PPM1L: variants seen among roughly 807,000 people sequenced by gnomAD.
PPM1L encodes protein phosphatase, Mg2+/Mn2+ dependent 1L, also known as protein phosphatase 1L.
A neutral mutation model predicts 31.4 loss-of-function variants in PPM1L; 13 were observed. That is an observed-to-expected ratio of 0.41 (90% CI 0.27 to 0.66). The LOEUF is 0.66. Among genes scored for constraint, PPM1L ranks in the 30% least tolerant of loss-of-function variants. The pLI is 0.29. For synonymous variants in PPM1L, 184 were observed against 175.4 expected (o/e 1.05, Z -0.39); for missense variants, 326 against 453.7 (o/e 0.72, Z 2.56).
chr3:160,865,762 G>A (rs1712066388), intron 1 of PPM1L, among the ~76,000 whole-genome samples: 1 of 152,230 alleles, frequency 6.6e-6, no homozygotes, highest in Non-Finnish European at 1.5e-5. Context: ...ACGACAGAGT[G>A]AGACTCCGTC....
Position 161,076,844 on chromosome 3 carries a change from A to C in PPM1L, c.*7687A>C, listed in dbSNP as rs1446310605. On this transcript the variant is annotated 3_prime_UTR_variant, in exon 4 of 4. Coordinates refer to ENST00000498165, the MANE Select transcript of PPM1L (RefSeq NM_139245.4). ...CACATACATAATTTGTATAAGGAAA[A>C]TGTATGAGTTTTTTTCTTAAAAATA... 6.6e-6 allele frequency: 1 copy of C among 151,698 alleles called. No homozygotes were observed. The highest frequency in any genetic ancestry group is 1.5e-5 in the Non-Finnish European group (1 of 68,042). 9.4% of individuals were successfully genotyped at this position (151,698 alleles called of 1,614,324 possible). A position where few individuals can be genotyped will look rare whatever the true frequency, so the allele number is the denominator to read the frequency against.
At chr3:161,058,528 C>G (rs1243874449) in intron 2 of PPM1L, among the ~76,000 whole-genome samples, 4 of 149,888 alleles carry the variant, frequency 2.7e-5, no homozygotes, top group African/African-American at 1.0e-4. Context: ...AGGGATAAGA[C>G]ACTTGGGGTT....
intron 1 of PPM1L, among the ~76,000 whole-genome samples, chr3:160,938,779 G>C (rs895247982): frequency 1.3e-5 from 2 of 152,244 alleles, no homozygotes; most frequent in African/African-American, 4.8e-5. Context: ...AGAACTGGCT[G>C]ATTGCTGTGT....
chr3:160,923,945 T>C (rs2108073957), intron 1 of PPM1L, among the ~76,000 whole-genome samples: 1 of 152,340 alleles, frequency 6.6e-6, no homozygotes, highest in African/African-American at 2.4e-5. Flanking sequence ...CTTCTGTCTA[T>C]TATCTGCTAT....
chr3:161,020,675 G>A (rs1718213897), intron 2 of PPM1L, among the ~76,000 whole-genome samples: 1 of 152,122 alleles, frequency 6.6e-6, no homozygotes, highest in South Asian at 2.1e-4. Context: ...ATCCATCTGG[G>A]TCAGGGTTTT....
At chr3:161,025,509 C>T (rs1201173765) in intron 2 of PPM1L, among the ~76,000 whole-genome samples, 5 of 151,012 alleles carry the variant, frequency 3.3e-5, no homozygotes, top group African/African-American at 1.2e-4. Context: ...GAGTTCGTGG[C>T]TTCATTGAGC....
At position 161,078,856 on chromosome 3, in the gene PPM1L, A is replaced by G. The variant is rs954282865; in HGVS notation, c.*9699A>G. ...AAAATGAACAGCTAAAAATTTACCC[A>G]TGACAAGATTAAAGCAAAAATAAAC... On this transcript the variant is annotated 3_prime_UTR_variant, in exon 4 of 4. Transcript: ENST00000498165. 2.0e-5 allele frequency: 3 copies of G among 152,238 alleles called. No individual in the cohort carries two copies. The highest frequency in any genetic ancestry group is 7.2e-5 in the African/African-American group (3 of 41,468). 9.4% of individuals were successfully genotyped at this position (152,238 alleles called of 1,614,324 possible).
chr3:160,985,308 G>A lies in PPM1L; in HGVS notation c.574+23398G>A, dbSNP rs17391720. Among the ~76,000 whole-genome samples, 629 of 152,268 alleles carry A rather than the reference G, an allele frequency of 4.1e-3. 2 individuals are homozygous for A. Among genetic ancestry groups the A allele is most frequent in the Non-Finnish European group, 5.9e-3 (402 of 68,032 alleles). ...TATTCTCCCCCAATGACTCCACTGC[G>A]TAACCAAGATTGAGAACTGTTACTT... On this transcript the variant is annotated intron_variant, in intron 2 of 3. Transcript: ENST00000498165.
At position 160,973,819 on chromosome 3, in the gene PPM1L, A is replaced by AT. The variant is rs570097098; in HGVS notation, c.574+11918dup. On this transcript the variant is annotated intron_variant, in intron 2 of 3. Transcript: ENST00000498165. The stretch of plus-strand genomic sequence containing the variant: ...AACCAAGACTTGTCTTTATTTTTTT[A>AT]TTTTTTTTTGAGAATGATTCTATCT... Among the ~76,000 whole-genome samples the AT allele has an allele frequency of 1.7e-3, 117 of 68,890 alleles. 1 individual carries two copies. The South Asian group carries it at 0.025, about 15-fold the overall frequency. The allele number at this position is 68,890 out of a possible 152,430, so 45.2% of individuals were successfully genotyped here.
intron 1 of PPM1L, among the ~76,000 whole-genome samples, chr3:160,867,315 G>A (rs1712126754): frequency 6.8e-6 from 1 of 147,044 alleles, no homozygotes; most frequent in Admixed American, 6.9e-5. Context: ...GGCCTGAAAT[G>A]AGTTCCATGT....
intron 2 of PPM1L, among the ~76,000 whole-genome samples, chr3:160,996,497 A>G (rs1189189168): frequency 6.6e-6 from 1 of 152,230 alleles, no homozygotes; most frequent in Admixed American, 6.5e-5. Flanking sequence ...AGCAACCTGG[A>G]TGGAATTGGA....
chr3:160,812,387 A>G (rs1282095517), intron 1 of PPM1L, among the ~76,000 whole-genome samples: 1 of 152,208 alleles, frequency 6.6e-6, no homozygotes, highest in Non-Finnish European at 1.5e-5. Flanking sequence ...CTTTCTTCAT[A>G]AAATGAAATT....
At chr3:160,902,711 T>C (rs980087194) in intron 1 of PPM1L, among the ~76,000 whole-genome samples, 1 of 152,184 alleles carries the variant, frequency 6.6e-6, no homozygotes, top group Non-Finnish European at 1.5e-5. Context: ...AAAAACAGTC[T>C]TATTAATTTT....
Position 161,050,165 on chromosome 3 carries a change from T to C in PPM1L, c.575-15238T>C, listed in dbSNP as rs548638854. On this transcript the variant is annotated intron_variant, in intron 2 of 3. Coordinates refer to ENST00000498165, the MANE Select transcript of PPM1L (RefSeq NM_139245.4). The stretch of plus-strand genomic sequence containing the variant: ...TGTTTTTTCTTTCTCTGGAACTACA[T>C]TGGCCAAAACAGAAAACAGGGAGTC... Among the ~76,000 whole-genome samples the C allele has an allele frequency of 7.2e-5, 11 of 152,324 alleles. No homozygotes were observed. In the South Asian group the frequency reaches 1.9e-3, roughly 26 times the overall value.
intron 1 of PPM1L, among the ~76,000 whole-genome samples, chr3:160,881,915 G>A (rs1023530724): frequency 6.6e-6 from 1 of 152,160 alleles, no homozygotes; most frequent in African/African-American, 2.4e-5. Context: ...GCCGGGCGTG[G>A]TAACAGGCGT....
intron 2 of PPM1L, among the ~76,000 whole-genome samples, chr3:161,009,730 CT>C (rs199600814): frequency 7.3e-5 from 11 of 151,176 alleles, no homozygotes; most frequent in African/African-American, 9.7e-5. Flanking sequence ...CTCCAAAAAG[CT>C]TTTTTTTTCT....
At chr3:160,875,101 CATATATAT>C (rs1712459651) in intron 1 of PPM1L, among the ~76,000 whole-genome samples, 2 of 152,164 alleles carry the variant, frequency 1.3e-5, no homozygotes, top group East Asian at 3.9e-4. Flanking sequence ...TATTATATGG[CATATATAT>C]ATTTCCAGAA....
intron 1 of PPM1L, among the ~76,000 whole-genome samples, chr3:160,764,797 G>A (rs28461448): frequency 0.016 from 2,507 of 152,142 alleles, 63 homozygotes; most frequent in African/African-American, 0.057. Flanking sequence ...TATATTTTGA[G>A]TGTATTTTTT....
intron 1 of PPM1L, among the ~76,000 whole-genome samples, chr3:160,944,550 G>A (rs912868702): frequency 6.7e-6 from 1 of 149,136 alleles, no homozygotes; most frequent in African/African-American, 2.5e-5. Flanking sequence ...GAAAGAAAAC[G>A]CCTAAGAAAA....
Sources: gnomAD v4.1 joint callset for allele counts (sites outside exome capture counted in the v4.1 genomes callset) on GRCh38, gnomAD v4.1.1 for gene constraint, MANE v1.5 for transcripts, NCBI Gene and HGNC (gene_info 2026-07-23, HGNC 2026-07-21) for gene names.